The following USPL1 variants were observed in gnomAD, a reference collection of about 807,000 sequenced individuals.
USPL1 encodes the protein ubiquitin specific peptidase like 1, also known as SUMO-specific isopeptidase USPL1.
Under a neutral mutation model 51.5 loss-of-function variants are expected in USPL1, and 27 were observed. The ratio of observed to expected loss-of-function variants is 0.52; its 90% CI spans 0.39 to 0.72. The LOEUF (loss-of-function observed/expected upper bound fraction) is 0.72. Ranked by LOEUF, USPL1 falls within the 30% of genes least tolerant of loss-of-function variation. USPL1 has a pLI of 0.00. For missense variants in USPL1, 1,226 were observed against 1,268.0 expected, an observed-to-expected ratio of 0.97 and a Z score of 0.50; for synonymous variants, 451 against 459.6, an observed-to-expected ratio of 0.98 and a Z score of 0.24.
chr13:30,659,337 A>G lies in USPL1; in HGVS notation c.3260A>G (p.Tyr1087Cys). The G allele has an allele frequency of 1.3e-6, 2 of 1,595,496 alleles. No homozygotes were observed. Among genetic ancestry groups the G allele is most frequent in the Non-Finnish European group, 8.5e-7 (1 of 1,171,370 alleles). The change falls in exon 9 of 9, where the codon TAT (tyrosine) becomes TGT (cysteine). Residue 1087 changes from tyrosine to cysteine, a missense_variant. Coordinates refer to ENST00000255304, the MANE Select transcript of USPL1 (RefSeq NM_005800.5). ...TTAGACCTACCTCATTTCGATGAAT[A>G]TCTGTTTGAGAATTATTGAATTAAT... ...DTLDLPHFDE[Y>C]LFENY is the part of the protein sequence containing the mutation.
chr13:30,658,199 C>T lies in USPL1; in HGVS notation c.2122C>T (p.Pro708Ser). Residue 708 changes from proline to serine, a missense_variant, in exon 9 of 9, where the codon CCA becomes TCA. Transcript: ENST00000255304. ...KDAQLKQFLT[P>S]KTEQLKPERV... is the part of the protein sequence containing the mutation. ...CGCTCAGTTAAAACAATTCCTTACA[C>T]CAAAAACTGAACAATTAAAACCAGA... is the stretch of plus-strand genomic sequence containing the variant. 6.2e-7 allele frequency: 1 copy of T among 1,612,038 alleles called. No homozygotes were observed. Among genetic ancestry groups the T allele is most frequent in the South Asian group, 1.1e-5 (1 of 90,372 alleles).
intron 4 of USPL1, among the ~76,000 whole-genome samples, chr13:30,631,937 A>G (rs555595033): frequency 7.4e-4 from 111 of 150,906 alleles, no homozygotes; most frequent in African/African-American, 2.4e-3. Flanking sequence ...TACCAGTTAC[A>G]TTATCCTGAC....
chr13:30,628,815 C>G lies in USPL1; in HGVS notation c.229-2020C>G, dbSNP rs148074488. Among the ~76,000 whole-genome samples, 14 of 152,306 alleles carry G rather than the reference C, an allele frequency of 9.2e-5. No homozygotes were observed. In the East Asian group the frequency reaches 2.7e-3, roughly 29 times the overall value. ...TCTGCAGATGTTTGAGTTGCTTTCA[C>G]TTTTTGGGAATTGTGAATAATGCTG... On this transcript the variant is annotated intron_variant, in intron 3 of 8. Coordinates refer to ENST00000255304, the MANE Select transcript of USPL1 (RefSeq NM_005800.5).
At chr13:30,639,077 G>A (rs1046433938) in intron 5 of USPL1, among the ~76,000 whole-genome samples, 5 of 151,682 alleles carry the variant, frequency 3.3e-5, no homozygotes, top group South Asian at 2.1e-4. Flanking sequence ...TTAGCCGGGC[G>A]TGGTAGTGTG....
intron 2 of USPL1, 122 bp from the exon 3 acceptor site, chr13:30,621,642 C>A: frequency 2.7e-6 from 2 of 741,072 alleles, no homozygotes; most frequent in African/African-American, 1.8e-5. Flanking sequence ...GTTTAAAATA[C>A]CTTGTCAGGA....
intron 1 of USPL1, among the ~76,000 whole-genome samples, chr13:30,618,647 T>C (rs1950603954): frequency 6.6e-6 from 1 of 152,192 alleles, no homozygotes; most frequent in Admixed American, 6.5e-5. Flanking sequence ...ACGTTCATTG[T>C]GCTATCTAAC....
intron 3 of USPL1, among the ~76,000 whole-genome samples, chr13:30,624,154 C>G (rs936035173): frequency 6.6e-6 from 1 of 152,130 alleles, no homozygotes; most frequent in African/African-American, 2.4e-5. Context: ...AGGTAGATAA[C>G]ATCCAAATGG....
chr13:30,628,043 A>ATTTTTT (rs202119827), intron 3 of USPL1, among the ~76,000 whole-genome samples: 10 of 127,022 alleles, frequency 7.9e-5, no homozygotes, highest in East Asian at 2.3e-4. Context: ...TGCCTGGCTA[A>ATTTTTT]TTTTTTTTTT....
chr13:30,631,681 T>C (rs936373827), intron 4 of USPL1, among the ~76,000 whole-genome samples: 5 of 152,108 alleles, frequency 3.3e-5, no homozygotes, highest in Non-Finnish European at 7.4e-5. Flanking sequence ...AGTGAGATGG[T>C]GGCCCCACTG....
At chr13:30,644,020 C>T (rs577167216) in intron 6 of USPL1, among the ~76,000 whole-genome samples, 3 of 151,828 alleles carry the variant, frequency 2.0e-5, no homozygotes, top group African/African-American at 4.8e-5. Context: ...CACAGTGGCT[C>T]ACATCTGTAA....
chr13:30,619,529 G>A lies in USPL1; in HGVS notation c.-69+1473G>A, dbSNP rs540817952. 2.6e-5 allele frequency among the ~76,000 whole-genome samples: 4 copies of A among 152,316 alleles called. No homozygotes were observed. The East Asian group carries it at 5.8e-4, about 22-fold the overall frequency. On this transcript the variant is annotated intron_variant, in intron 1 of 8. Coordinates refer to ENST00000255304, the MANE Select transcript of USPL1 (RefSeq NM_005800.5). ...AAAAACAGTTTATTCAAGGTACATA[G>A]CCTACTAGTTTCCCATTTGAGAGTA... is the stretch of plus-strand genomic sequence containing the variant.
At chr13:30,622,942 C>A (rs987535067) in intron 3 of USPL1, among the ~76,000 whole-genome samples, 1 of 151,800 alleles carries the variant, frequency 6.6e-6, no homozygotes, top group Non-Finnish European at 1.5e-5. Flanking sequence ...GTTGCAGATA[C>A]AATGTTAGGA....
intron 5 of USPL1, among the ~76,000 whole-genome samples, chr13:30,638,064 C>T (rs548276027): frequency 1.6e-4 from 24 of 152,278 alleles, no homozygotes; most frequent in African/African-American, 5.8e-4. Context: ...TGGTGTTCCA[C>T]CTCTTGAGAG....
chr13:30,642,735 T>A lies in USPL1; in HGVS notation c.1090T>A (p.Cys364Ser). 2 of 1,613,210 alleles carry A rather than the reference T, an allele frequency of 1.2e-6. No homozygotes were observed. The highest frequency in any genetic ancestry group is 1.7e-6 in the Non-Finnish European group (2 of 1,179,742). ...SFSWDFECSQ[C>S]GHQYQNRHMK... Reference sequence around the variant, plus strand: ...TTCTTGGGACTTTGAATGTTCGCAGTGTGGACACCAATATCAAAACAGGTT... The same window carrying A: ...TTCTTGGGACTTTGAATGTTCGCAGAGTGGACACCAATATCAAAACAGGTT... The change falls in exon 6 of 9, where the codon TGT (cysteine) becomes AGT (serine). Residue 364 changes from cysteine to serine, a missense_variant. Physicochemically the swap from Cys to Ser is moderately radical, Grantham distance 112. Coordinates refer to ENST00000255304, the MANE Select transcript of USPL1 (RefSeq NM_005800.5).
chr13:30,641,375 G>T (rs1950945265), intron 5 of USPL1, among the ~76,000 whole-genome samples: 1 of 152,008 alleles, frequency 6.6e-6, no homozygotes, highest in African/African-American at 2.4e-5. Context: ...GCTCTGTCCA[G>T]GGTAGGGGAA....
intron 4 of USPL1, among the ~76,000 whole-genome samples, chr13:30,634,476 T>C (rs1385818920): frequency 6.6e-6 from 1 of 152,240 alleles, no homozygotes; most frequent in Non-Finnish European, 1.5e-5. Context: ...TTGCCTAATT[T>C]AGTTTGTTTT....
chr13:30,635,074 CATT>C (rs1477496443), intron 4 of USPL1, among the ~76,000 whole-genome samples: 8 of 152,128 alleles, frequency 5.3e-5, no homozygotes, highest in African/African-American at 1.9e-4. Context: ...TTCCTTGTAT[CATT>C]GTTGCTAGAG....
At chr13:30,629,522 C>G (rs1422566344) in intron 3 of USPL1, among the ~76,000 whole-genome samples, 1 of 152,144 alleles carries the variant, frequency 6.6e-6, no homozygotes, top group African/African-American at 2.4e-5. Flanking sequence ...TATTATTTCA[C>G]ATGATTATGT....
chr13:30,634,742 T>C (rs534410296), intron 4 of USPL1, among the ~76,000 whole-genome samples: 10 of 152,224 alleles, frequency 6.6e-5, no homozygotes, highest in Non-Finnish European at 1.5e-4. Flanking sequence ...TAGACTTTCG[T>C]GTCCAAATTT....
Sources: allele counts gnomAD v4.1 joint callset (sites outside exome capture counted in the v4.1 genomes callset), GRCh38; gene constraint gnomAD v4.1.1; transcripts MANE v1.5; gene names NCBI Gene and HGNC (gene_info 2026-07-23, HGNC 2026-07-21).